Variants in EPG5 observed in about 807,000 individuals in gnomAD.
EPG5 encodes the protein ectopic P-granules 5 autophagy tethering factor.
EPG5 carries 159 observed loss-of-function variants against 302.7 expected under a neutral mutation model. That is an observed-to-expected ratio of 0.53 (90% CI 0.46 to 0.60). The LOEUF is 0.60. Among genes scored for constraint, EPG5 ranks in the 20% least tolerant of loss-of-function variants. The probability of loss-of-function intolerance (pLI) is 0.00; values close to 1 mark genes in which losing one functional copy is unlikely to be tolerated. For synonymous variants in EPG5, 1,158 were observed against 1,136.8 expected (o/e 1.02, Z -0.37); for missense variants, 2,896 against 3,092.4 (o/e 0.94, Z 1.51).
At chr18:45,837,197 G>GT in the EPG5 span, 7 of 1,513,446 alleles carry the variant, frequency 4.6e-6, no homozygotes, top group African/African-American at 8.4e-5. Flanking sequence ...AAAACTAAGG[G>GT]TAAGAATATG....
At chr18:45,878,942 T>A in intron 33 of EPG5, 71 bp downstream of exon 33, 1 of 1,199,382 alleles carries the variant, frequency 8.3e-7, no homozygotes, top group South Asian at 1.3e-5. Context: ...AATCTCTTAA[T>A]GTGCCTATTT....
At chr18:45,823,685 C>T in the EPG5 span, among the ~76,000 whole-genome samples, 72 of 152,256 alleles carry the variant, frequency 4.7e-4, 1 homozygote, top group East Asian at 8.1e-3. Flanking sequence ...TGCACAAAGT[C>T]CTGTGATACA....
chr18:45,877,257 T>TAAAAA (rs1568113420), intron 34 of EPG5, among the ~76,000 whole-genome samples: 3 of 151,290 alleles, frequency 2.0e-5, no homozygotes, highest in Admixed American at 6.6e-5. Flanking sequence ...AAAATAAAAA[T>TAAAAA]TAAAATTGAA....
chr18:45,941,819 A>G (rs2050673227), intron 9 of EPG5, among the ~76,000 whole-genome samples: 1 of 152,230 alleles, frequency 6.6e-6, no homozygotes, highest in African/African-American at 2.4e-5. Flanking sequence ...TGTTAATAAC[A>G]GGTAGATGGG....
intron 27 of EPG5, among the ~76,000 whole-genome samples, chr18:45,891,297 G>A (rs530189328): frequency 1.3e-5 from 2 of 151,956 alleles, no homozygotes; most frequent in South Asian, 2.1e-4. Flanking sequence ...TCAGGAGTTC[G>A]AGACATGCCT....
At chr18:45,838,016 C>G in the EPG5 span, 2 of 1,250,328 alleles carry the variant, frequency 1.6e-6, no homozygotes, top group South Asian at 1.7e-5. Context: ...AGACCCAGCC[C>G]TCTCCTCTAC....
chr18:45,852,403 G>A lies in EPG5; in HGVS notation c.*64C>T. On this transcript the variant is annotated 3_prime_UTR_variant, in exon 44 of 44. Coordinates refer to ENST00000282041, the MANE Select transcript of EPG5 (RefSeq NM_020964.3). Reference sequence around the variant, plus strand: ...ACAGTGCAATTGAGCAAAGTTACTTGTGCAACAGCAAAGTTAAATGTAAAC... The same window carrying A: ...ACAGTGCAATTGAGCAAAGTTACTTATGCAACAGCAAAGTTAAATGTAAAC... 1 of 1,492,860 alleles carries A rather than the reference G, an allele frequency of 6.7e-7. No individual in the cohort carries two copies. Among genetic ancestry groups the A allele is most frequent in the Non-Finnish European group, 9.1e-7 (1 of 1,097,040 alleles). 92.5% of individuals were successfully genotyped at this position (1,492,860 alleles called of 1,614,324 possible).
chr18:45,926,713 G>A (rs2050277380), intron 13 of EPG5, among the ~76,000 whole-genome samples: 1 of 151,854 alleles, frequency 6.6e-6, no homozygotes, highest in East Asian at 1.9e-4. Context: ...CAACTACTCA[G>A]GAGGCAGGAG....
chr18:45,825,582 C>T, the EPG5 span: 96 of 744,310 alleles, frequency 1.3e-4, no homozygotes, highest in East Asian at 2.1e-3. Flanking sequence ...CCAGTTCCTC[C>T]GGCTCCCGCA....
At chr18:45,806,333 T>C in the EPG5 span, among the ~76,000 whole-genome samples, 189 of 152,304 alleles carry the variant, frequency 1.2e-3, 1 homozygote, top group African/African-American at 4.4e-3. Flanking sequence ...AAGGGGATCA[T>C]GGTGGGCGGG....
intron 1 of EPG5, among the ~76,000 whole-genome samples, chr18:45,957,573 G>A (rs1325648782): frequency 6.6e-6 from 1 of 152,188 alleles, no homozygotes; most frequent in Non-Finnish European, 1.5e-5. Flanking sequence ...AATGTTAGTG[G>A]ACACATCAGG....
chr18:45,813,429 T>C, the EPG5 span, among the ~76,000 whole-genome samples: 1 of 152,134 alleles, frequency 6.6e-6, no homozygotes, highest in African/African-American at 2.4e-5. Flanking sequence ...TATACCCAAA[T>C]GATTATAAAT....
chr18:45,866,657 C>T (rs1387041644), intron 38 of EPG5, 141 bp downstream of exon 38: 2 of 688,126 alleles, frequency 2.9e-6, no homozygotes, highest in African/African-American at 1.8e-5. Flanking sequence ...ATCTACAAGG[C>T]CAAAAGATGA....
chr18:45,898,687 G>C (rs915017119), intron 27 of EPG5, among the ~76,000 whole-genome samples: 1 of 152,152 alleles, frequency 6.6e-6, no homozygotes, highest in East Asian at 1.9e-4. Flanking sequence ...AGTTCCCAAT[G>C]ATGGTGCACA....
the EPG5 span, among the ~76,000 whole-genome samples, chr18:45,811,897 G>C: frequency 1.3e-5 from 2 of 152,114 alleles, no homozygotes; most frequent in Non-Finnish European, 2.9e-5. Context: ...ATTCAACATA[G>C]TGTTGGAAGT....
chr18:45,802,177 T>C, the EPG5 span, among the ~76,000 whole-genome samples: 11 of 152,200 alleles, frequency 7.2e-5, no homozygotes, highest in South Asian at 8.3e-4. Context: ...CCCAACACTC[T>C]CCAGTCAGGG....
At chr18:45,907,727 C>G (rs1046111268) in intron 24 of EPG5, 6 of 385,576 alleles carry the variant, frequency 1.6e-5, no homozygotes, top group Non-Finnish European at 2.7e-5. Context: ...GTAAAAAGCC[C>G]TAGAACAAGC....
intron 42 of EPG5, 125 bp downstream of exon 42, chr18:45,857,728 A>C: frequency 5.2e-6 from 3 of 581,576 alleles, no homozygotes; most frequent in Non-Finnish European, 8.7e-6. Flanking sequence ...TTTTTTTTCC[A>C]TTAATCTTTC....
the EPG5 span, among the ~76,000 whole-genome samples, chr18:45,813,488 T>C: frequency 1.3e-5 from 2 of 152,220 alleles, no homozygotes; most frequent in South Asian, 4.1e-4. Context: ...GCAGCACTAT[T>C]CACAATAGCA....
Sources: gnomAD v4.1 joint callset for allele counts (sites outside exome capture counted in the v4.1 genomes callset) on GRCh38, gnomAD v4.1.1 for gene constraint, MANE v1.5 for transcripts, NCBI Gene and HGNC (gene_info 2026-07-23, HGNC 2026-07-21) for gene names.